The following EIF2S3 variants were observed in gnomAD, a reference collection of about 807,000 sequenced individuals.
EIF2S3 encodes eukaryotic translation initiation factor 2 subunit gamma.
In EIF2S3, 2 loss-of-function variants were observed where a neutral mutation model predicts 31.7. The observed-to-expected ratio is 0.06, with a 90% CI of 0.03 to 0.20. The LOEUF (loss-of-function observed/expected upper bound fraction) is 0.20, where lower values mean the gene tolerates loss of function less well. EIF2S3 is among the 10% of genes least tolerant of loss of function. The probability of loss-of-function intolerance (pLI) is 1.00; values close to 1 mark genes in which losing one functional copy is unlikely to be tolerated. For missense variants in EIF2S3, 96 were observed against 359.3 expected (o/e 0.27, Z 5.92); for synonymous variants, 120 against 126.7 (o/e 0.95, Z 0.36).
chrX:24,063,604 ACT>A (rs1425347346), intron 6 of EIF2S3, among the ~76,000 whole-genome samples: 2 of 110,324 alleles, frequency 1.8e-5, no homozygotes, highest in Admixed American at 2.0e-4. Context: ...ACGTGGTAAA[ACT>A]CTGTCAATAC....
chrX:24,076,043 G>A (rs893659679), intron 11 of EIF2S3, among the ~76,000 whole-genome samples: 8 of 111,418 alleles, frequency 7.2e-5, no homozygotes, highest in African/African-American at 2.6e-4. Context: ...CTGTGCCCAC[G>A]ATGGTCTCAT....
chrX:24,057,385 A>G (rs891539671), intron 2 of EIF2S3, 36 bp from the exon 3 acceptor site: 1 of 1,172,611 alleles, frequency 8.5e-7, no homozygotes, highest in African/African-American at 1.8e-5. Context: ...ATGTAATTAA[A>G]TACACATGAA....
At position 24,064,144 on chromosome X, in the gene EIF2S3, A is replaced by T. The variant is rs768159858; in HGVS notation, c.638-57A>T. The T allele has an allele frequency of 9.0e-6, 9 of 1,002,242 alleles. No individual in the cohort carries two copies. In the South Asian group the frequency reaches 1.7e-4, roughly 19 times the overall value. The allele number at this position is 1,002,242 out of a possible 1,213,427, so 82.6% of individuals were successfully genotyped here. Reference sequence around the variant, plus strand: ...CTTAATTGTTTTATGTAACAGATACATAGAATAAATTTTATAAAACTGTAT... The same window carrying T: ...CTTAATTGTTTTATGTAACAGATACTTAGAATAAATTTTATAAAACTGTAT... On this transcript the variant is annotated intron_variant, in intron 6 of 11. Transcript: ENST00000253039.
chrX:24,072,598 AAAT>A (rs1217732879), intron 10 of EIF2S3, among the ~76,000 whole-genome samples: 1 of 111,689 alleles, frequency 9.0e-6, no homozygotes, highest in Admixed American at 9.6e-5. Flanking sequence ...GATTTTTAAA[AAAT>A]GTCCCAGATT....
At chrX:24,069,686 CT>C (rs754589833) in intron 9 of EIF2S3, among the ~76,000 whole-genome samples, 1,403 of 60,870 alleles carry the variant, frequency 0.023, 17 homozygotes, top group African/African-American at 0.087. Context: ...TTTTTAATTT[CT>C]TTTTTTTTTT....
intron 3 of EIF2S3, 32 bp from the exon 4 acceptor site, chrX:24,057,598 TAAC>T (rs1186024769): frequency 1.7e-6 from 2 of 1,208,043 alleles, no homozygotes; most frequent in African/African-American, 3.5e-5. Flanking sequence ...GTTGTGCAGA[TAAC>T]AAATCAAAAT....
At chrX:24,066,292 C>T (rs899688596) in intron 8 of EIF2S3, among the ~76,000 whole-genome samples, 200 bp downstream of exon 8, 3 of 109,763 alleles carry the variant, frequency 2.7e-5, no homozygotes, top group Non-Finnish European at 5.7e-5. Context: ...TCACTCCTCC[C>T]ACCCTTCTAG....
intron 6 of EIF2S3, among the ~76,000 whole-genome samples, chrX:24,063,276 C>T (rs1471053042): frequency 8.9e-6 from 1 of 111,960 alleles, no homozygotes; most frequent in Non-Finnish European, 1.9e-5. Context: ...TAGAGTGTCC[C>T]TTCTCTAATA....
intron 4 of EIF2S3, among the ~76,000 whole-genome samples, chrX:24,058,476 G>A (rs952060960): frequency 9.2e-5 from 10 of 108,494 alleles, no homozygotes; most frequent in Non-Finnish European, 1.7e-4. Context: ...GTTTATGATT[G>A]ATTTTTTGCA....
intron 1 of EIF2S3, 106 bp downstream of exon 1, chrX:24,055,143 C>G: frequency 3.1e-6 from 3 of 955,246 alleles, no homozygotes; most frequent in Non-Finnish European, 4.4e-6. Context: ...GGTCAGGAGC[C>G]TGGGTCAGGA....
In EIF2S3 at chrX:24,057,655, G is replaced by A. The variant is rs765236944; in HGVS notation, c.284G>A (p.Ser95Asn). The A allele has an allele frequency of 8.3e-7, 1 of 1,209,923 alleles. No homozygotes were observed. The highest frequency in any genetic ancestry group is 1.7e-5 in the African/African-American group (1 of 57,309). Residue 95 changes from serine (S) to asparagine (N), a missense_variant, in exon 4 of 12, where the codon AGT becomes AAT. Ser to Asn is a conservative substitution (Grantham distance 46). Transcript: ENST00000253039. ...NAKIYKLDDP[S>N]CPRPECYRSC... ...TAGATTTATAAGCTTGATGACCCAAGTTGCCCTCGGCCAGAATGTTATAGA... is the reference window on the plus strand; with the variant it reads ...TAGATTTATAAGCTTGATGACCCAAATTGCCCTCGGCCAGAATGTTATAGA...
intron 5 of EIF2S3, 110 bp downstream of exon 5, chrX:24,060,292 C>T: frequency 1.6e-6 from 1 of 627,314 alleles, no homozygotes; most frequent in Non-Finnish European, 2.6e-6. Context: ...CTAAGGGTGA[C>T]ATGAATGGGA....
At chrX:24,067,251 T>C (rs1930590932) in intron 8 of EIF2S3, among the ~76,000 whole-genome samples, 1 of 111,143 alleles carries the variant, frequency 9.0e-6, no homozygotes, top group African/African-American at 3.3e-5. Context: ...TTGGCCAGGC[T>C]GGTCTCTTAA....
intron 11 of EIF2S3, among the ~76,000 whole-genome samples, chrX:24,075,798 A>G (rs1235983792): frequency 9.0e-6 from 1 of 111,138 alleles, no homozygotes; most frequent in African/African-American, 3.3e-5. Context: ...GTTTAGTGGC[A>G]TGATCATAGC....
At chrX:24,058,067 G>A (rs960235712) in intron 4 of EIF2S3, among the ~76,000 whole-genome samples, 2 of 112,247 alleles carry the variant, frequency 1.8e-5, no homozygotes, top group Non-Finnish European at 1.9e-5. Flanking sequence ...TGTTAAATAG[G>A]AGAGAAACAG....
intron 9 of EIF2S3, among the ~76,000 whole-genome samples, chrX:24,068,590 A>G (rs1930613693): frequency 9.1e-6 from 1 of 110,472 alleles, no homozygotes; most frequent in Admixed American, 9.7e-5. Flanking sequence ...GACTACAGGC[A>G]CATGCTGCCA....
chrX:24,055,375 G>C (rs775799484), intron 1 of EIF2S3, among the ~76,000 whole-genome samples: 1 of 111,601 alleles, frequency 9.0e-6, no homozygotes, highest in African/African-American at 3.3e-5. Context: ...AGATTGGGGG[G>C]ATCTCTGACT....
chrX:24,071,403 C>T (rs1930668616), intron 9 of EIF2S3, among the ~76,000 whole-genome samples, 155 bp from the exon 10 acceptor site: 1 of 110,886 alleles, frequency 9.0e-6, no homozygotes, highest in Non-Finnish European at 1.9e-5. Context: ...GTTGCCCAGG[C>T]TGGTCTTTAA....
intron 6 of EIF2S3, among the ~76,000 whole-genome samples, chrX:24,062,823 CTT>C (rs907241970): frequency 5.4e-5 from 6 of 110,323 alleles, no homozygotes; most frequent in Middle Eastern, 4.6e-3. Context: ...TTTCTGGAAA[CTT>C]TATCAATCAG....
Sources: allele counts gnomAD v4.1 joint callset (sites outside exome capture counted in the v4.1 genomes callset), GRCh38; gene constraint gnomAD v4.1.1; transcripts MANE v1.5; gene names NCBI Gene and HGNC (gene_info 2026-07-23, HGNC 2026-07-21).